The following UNC13C variants were observed in gnomAD, a reference collection of about 807,000 sequenced individuals.
UNC13C encodes the protein unc-13 homolog C.
A neutral mutation model predicts 245.4 loss-of-function variants in UNC13C; 174 were observed. The ratio of observed to expected loss-of-function variants is 0.71; its 90% CI spans 0.63 to 0.80. UNC13C has a LOEUF of 0.80. Ranked by LOEUF, UNC13C falls within the 30% of genes least tolerant of loss-of-function variation. The probability of loss-of-function intolerance (pLI) is 0.00; values close to 1 mark genes in which losing one functional copy is unlikely to be tolerated. For missense variants in UNC13C, 2,829 were observed against 2,602.9 expected (o/e 1.09, Z -1.89); for synonymous variants, 992 against 895.1 (o/e 1.11, Z -1.93).
intron 2 of UNC13C, among the ~76,000 whole-genome samples, chr15:54,043,572 G>A (rs986236190): frequency 6.6e-6 from 1 of 152,180 alleles, no homozygotes; most frequent in South Asian, 2.1e-4. Context: ...TATGACAGAG[G>A]AGTTTGTAAA....
At chr15:54,528,499 C>CT (rs1405680448) in intron 25 of UNC13C, among the ~76,000 whole-genome samples, 2 of 151,910 alleles carry the variant, frequency 1.3e-5, no homozygotes, top group African/African-American at 2.4e-5. Context: ...TTAATACAGG[C>CT]TTTTTTTAAA....
intron 4 of UNC13C, among the ~76,000 whole-genome samples, chr15:54,146,192 CTATT>C (rs1567047911): frequency 6.6e-6 from 1 of 152,048 alleles, no homozygotes; most frequent in East Asian, 1.9e-4. Flanking sequence ...AAATGAAATA[CTATT>C]TAAATATCAC....
chr15:53,929,827 A>C, the UNC13C span, among the ~76,000 whole-genome samples: 1 of 152,244 alleles, frequency 6.6e-6, no homozygotes, highest in Admixed American at 6.5e-5. Flanking sequence ...TTGTTTCAAC[A>C]CTACAACTAA....
the UNC13C span, among the ~76,000 whole-genome samples, chr15:53,964,967 A>C: frequency 5.3e-5 from 8 of 152,184 alleles, no homozygotes; most frequent in Non-Finnish European, 1.0e-4. Flanking sequence ...TTTAGGTAAG[A>C]AAATACAATT....
At chr15:54,589,091 A>AT in intron 30 of UNC13C, among the ~76,000 whole-genome samples, 1 of 152,188 alleles carries the variant, frequency 6.6e-6, no homozygotes, top group East Asian at 1.9e-4. Flanking sequence ...ACTAGTTTAC[A>AT]TTCCCACCAA....
the UNC13C span, among the ~76,000 whole-genome samples, chr15:53,931,592 G>A: frequency 1.3e-5 from 2 of 152,052 alleles, no homozygotes; most frequent in African/African-American, 4.8e-5. Context: ...CCTGGGTGAT[G>A]CAGGGTAAGG....
chr15:54,496,945 G>A lies in UNC13C; in HGVS notation c.5060+2211G>A, dbSNP rs572132154. 6.6e-5 allele frequency among the ~76,000 whole-genome samples: 10 copies of A among 151,974 alleles called. No homozygotes were observed. The East Asian group carries it at 1.5e-3, about 24-fold the overall frequency. On this transcript the variant is annotated intron_variant, in intron 20 of 32. Transcript: ENST00000260323. ...ACTTATTCATGTAACCAAACACCAC[G>A]TGTTCCCCTCAAAACCTATTGAAAT...
At chr15:53,862,157 G>T in the UNC13C span, among the ~76,000 whole-genome samples, 4 of 152,094 alleles carry the variant, frequency 2.6e-5, no homozygotes, top group Non-Finnish European at 4.4e-5. Flanking sequence ...CTGGCTTGTA[G>T]ACAGCCACCT....
At chr15:53,975,454 T>G (rs996676485), upstream of UNC13C, among the ~76,000 whole-genome samples, 3 of 152,176 alleles carry the variant, frequency 2.0e-5, no homozygotes, top group Admixed American at 1.3e-4. Flanking sequence ...TTTTAAAAAA[T>G]ATAATAGTGA....
chr15:54,420,159 A>G (rs551595711), intron 19 of UNC13C, among the ~76,000 whole-genome samples: 2 of 152,238 alleles, frequency 1.3e-5, no homozygotes, highest in African/African-American at 4.8e-5. Context: ...TCAGTTACCT[A>G]TTATGATATA....
chr15:54,378,358 T>A lies in UNC13C; in HGVS notation c.4714-14690T>A, dbSNP rs1017269989. 5.9e-5 allele frequency among the ~76,000 whole-genome samples: 9 copies of A among 152,226 alleles called. No homozygotes were observed. In the South Asian group the frequency reaches 1.4e-3, roughly 25 times the overall value. On this transcript the variant is annotated intron_variant, in intron 17 of 32. Coordinates refer to ENST00000260323, the MANE Select transcript of UNC13C (RefSeq NM_001080534.3). ...GAAAATAAATGCTAGCCAGATATGA[T>A]CTATTGCATTTTTCTTTTTTAATAC...
intron 13 of UNC13C, among the ~76,000 whole-genome samples, chr15:54,315,098 T>C (rs1369219475): frequency 1.3e-5 from 2 of 151,780 alleles, no homozygotes; most frequent in Non-Finnish European, 2.9e-5. Context: ...TTCAGAGTCA[T>C]CTTTTCAAAT....
intron 4 of UNC13C, among the ~76,000 whole-genome samples, chr15:54,151,841 T>C (rs2032533232): frequency 6.6e-6 from 1 of 152,206 alleles, no homozygotes; most frequent in Non-Finnish European, 1.5e-5. Context: ...CCATAATGGA[T>C]CTACACAGCT....
chr15:54,591,379 T>G (rs1013519394), intron 30 of UNC13C, among the ~76,000 whole-genome samples: 2 of 152,210 alleles, frequency 1.3e-5, no homozygotes, highest in Non-Finnish European at 2.9e-5. Flanking sequence ...AATTCTTCCT[T>G]GAATGTCTGG....
chr15:54,137,252 A>G (rs760988592), intron 2 of UNC13C, among the ~76,000 whole-genome samples: 3 of 152,204 alleles, frequency 2.0e-5, no homozygotes, highest in Non-Finnish European at 4.4e-5. Flanking sequence ...TTGGTTTGTT[A>G]GCATTTTGTT....
chr15:54,523,475 T>G (rs1445202076), intron 24 of UNC13C, among the ~76,000 whole-genome samples: 1 of 152,202 alleles, frequency 6.6e-6, no homozygotes, highest in Non-Finnish European at 1.5e-5. Context: ...AAATTAAAAC[T>G]GTCATCCAAT....
intron 1 of UNC13C, among the ~76,000 whole-genome samples, chr15:53,983,121 T>C (rs1893991155): frequency 6.6e-6 from 1 of 152,180 alleles, no homozygotes; most frequent in South Asian, 2.1e-4. Context: ...ATTAAATATT[T>C]GCTGTAGCTG....
rs2141181923 is a variant in UNC13C at position 54,549,768 on chromosome 15, T to C, written c.5877+77T>C. ...AGTTCTGCAAGCATCCTCCTCCTAGTAATAGTATCTAGCATGGCAGGATTA... is the reference window on the plus strand; with the variant it reads ...AGTTCTGCAAGCATCCTCCTCCTAGCAATAGTATCTAGCATGGCAGGATTA... On this transcript the variant is annotated intron_variant, in intron 28 of 32. Coordinates refer to ENST00000260323, the MANE Select transcript of UNC13C (RefSeq NM_001080534.3). 3 of 868,090 alleles carry C rather than the reference T, an allele frequency of 3.5e-6. No individual in the cohort carries two copies. The South Asian group carries it at 5.6e-5, about 16-fold the overall frequency. 53.8% of individuals were successfully genotyped at this position (868,090 alleles called of 1,614,324 possible). A position where few individuals can be genotyped will look rare whatever the true frequency, so the allele number is the denominator to read the frequency against.
intron 4 of UNC13C, among the ~76,000 whole-genome samples, chr15:54,206,122 A>C (rs1173501814): frequency 6.6e-6 from 1 of 152,054 alleles, no homozygotes; most frequent in East Asian, 1.9e-4. Flanking sequence ...CCTATAAAGA[A>C]ATTGTTATTC....
Sources: allele counts gnomAD v4.1 joint callset (sites outside exome capture counted in the v4.1 genomes callset), GRCh38; gene constraint gnomAD v4.1.1; transcripts MANE v1.5; gene names NCBI Gene and HGNC (gene_info 2026-07-23, HGNC 2026-07-21).